Variants in GNPAT observed in about 807,000 individuals in gnomAD.
The protein encoded by GNPAT is glyceronephosphate O-acyltransferase, also known as dihydroxyacetone phosphate acyltransferase.
GNPAT carries 30 observed loss-of-function variants against 78.4 expected under a neutral mutation model. The ratio of observed to expected loss-of-function variants is 0.38; its 90% CI spans 0.29 to 0.52. The LOEUF (loss-of-function observed/expected upper bound fraction) is 0.52, where lower values mean the gene tolerates loss of function less well. GNPAT is among the 20% of genes least tolerant of loss of function. The pLI is 0.84. For synonymous variants in GNPAT, 271 were observed against 281.1 expected (o/e 0.96, Z 0.36); for missense variants, 714 against 812.2 (o/e 0.88, Z 1.47).
At position 231,277,671 on chromosome 1, in the gene GNPAT, C is replaced by T. The variant is rs1685755752; in HGVS notation, c.*129C>T. ...TCCCTGAGACTCTGAGAACAGTGGA[C>T]GCAGAGGGAAGAGATGATCATTGGA... On this transcript the variant is annotated 3_prime_UTR_variant, in exon 16 of 16. Coordinates refer to ENST00000366647, the MANE Select transcript of GNPAT (RefSeq NM_014236.4). The T allele has an allele frequency of 2.8e-6, 2 of 711,246 alleles. No individual in the cohort carries two copies. Among genetic ancestry groups the T allele is most frequent in the Admixed American group, 2.0e-5 (1 of 50,486 alleles). 44.1% of individuals were successfully genotyped at this position (711,246 alleles called of 1,614,324 possible). A position where few individuals can be genotyped will look rare whatever the true frequency, so the allele number is the denominator to read the frequency against.
intron 2 of GNPAT, chr1:231,258,162 G>T (rs1332733393): frequency 6.6e-6 from 1 of 152,286 alleles, no homozygotes; most frequent in Admixed American, 6.6e-5. Flanking sequence ...GCTGTTATTA[G>T]GATTATCTGA....
intron 1 of GNPAT, among the ~76,000 whole-genome samples, chr1:231,242,224 T>G (rs1487294783): frequency 6.6e-6 from 1 of 152,204 alleles, no homozygotes; most frequent in African/African-American, 2.4e-5. Context: ...GGTTTTTGTT[T>G]GTTTCTTGTT....
At chr1:231,253,433 G>A (rs989335509) in intron 2 of GNPAT, among the ~76,000 whole-genome samples, 3 of 152,208 alleles carry the variant, frequency 2.0e-5, no homozygotes, top group Admixed American at 6.5e-5. Flanking sequence ...CTTTAAATTC[G>A]CCTCTAATGC....
intron 4 of GNPAT, among the ~76,000 whole-genome samples, chr1:231,264,018 T>C (rs1685300210): frequency 6.6e-6 from 1 of 152,222 alleles, no homozygotes; most frequent in East Asian, 1.9e-4. Flanking sequence ...TTTGCAAATA[T>C]TATCTTCCAT....
chr1:231,276,689 T>C (rs1685726275), intron 15 of GNPAT, among the ~76,000 whole-genome samples: 1 of 152,198 alleles, frequency 6.6e-6, no homozygotes, highest in Admixed American at 6.5e-5. Context: ...GAAGAAATAG[T>C]CTAGTCCAAA....
intron 15 of GNPAT, among the ~76,000 whole-genome samples, chr1:231,276,941 C>T (rs901397349): frequency 1.3e-5 from 2 of 152,146 alleles, no homozygotes. Context: ...CTCGTCAAAC[C>T]TGCATGGAAG....
chr1:231,256,765 C>T (rs375233566), intron 2 of GNPAT, among the ~76,000 whole-genome samples: 122 of 152,276 alleles, frequency 8.0e-4, no homozygotes, highest in African/African-American at 2.5e-3. Context: ...GGATTACAGG[C>T]GTGAGCCACT....
At chr1:231,262,483 GTTA>G (rs1004812407) in intron 3 of GNPAT, among the ~76,000 whole-genome samples, 7 of 151,838 alleles carry the variant, frequency 4.6e-5, no homozygotes, top group Admixed American at 3.9e-4. Context: ...GATCATCACT[GTTA>G]TTATTCTGAT....
Position 231,241,247 on chromosome 1 carries a change from T to C in GNPAT, c.-132T>C, listed in dbSNP as rs553247724. The C allele has an allele frequency of 1.4e-6, 2 of 1,458,482 alleles. No homozygotes were observed. Among genetic ancestry groups the C allele is most frequent in the Admixed American group, 3.4e-5 (2 of 59,596 alleles). The allele number at this position is 1,458,482 out of a possible 1,614,324, so 90.3% of individuals were successfully genotyped here. A position where few individuals can be genotyped will look rare whatever the true frequency, so the allele number is the denominator to read the frequency against. ...TGAGATGGCGGCGCCCGGGATCCTG[T>C]GTAGCGGCTGCAGAGGGTGCCGCCG... On this transcript the variant is annotated 5_prime_UTR_variant, in exon 1 of 16. Coordinates refer to ENST00000366647, the MANE Select transcript of GNPAT (RefSeq NM_014236.4).
intron 15 of GNPAT, 64 bp from the exon 16 acceptor site, chr1:231,277,435 C>A: frequency 2.1e-6 from 2 of 949,422 alleles, no homozygotes; most frequent in South Asian, 2.6e-5. Flanking sequence ...GCCCAAGGAA[C>A]AGCTGTATGA....
intron 1 of GNPAT, among the ~76,000 whole-genome samples, chr1:231,242,171 C>A (rs1030161450): frequency 6.6e-6 from 1 of 152,078 alleles, no homozygotes; most frequent in African/African-American, 2.4e-5. Flanking sequence ...GAGATGGGAG[C>A]TTTATAGCCT....
chr1:231,251,999 G>C (rs940585585), intron 2 of GNPAT, among the ~76,000 whole-genome samples: 1 of 152,230 alleles, frequency 6.6e-6, no homozygotes, highest in Non-Finnish European at 1.5e-5. Context: ...AGAGAGGTAA[G>C]AGGGTCATGT....
intron 2 of GNPAT, among the ~76,000 whole-genome samples, chr1:231,254,145 T>G (rs762772719): frequency 1.1e-4 from 17 of 152,148 alleles, no homozygotes; most frequent in African/African-American, 3.9e-4. Flanking sequence ...CAAATAATTC[T>G]AATGCACACC....
chr1:231,272,232 T>C (rs901424670), intron 10 of GNPAT, 80 bp from the exon 11 acceptor site: 5 of 769,256 alleles, frequency 6.5e-6, no homozygotes, highest in South Asian at 1.4e-5. Context: ...AAATACATTT[T>C]GTGATAGTAA....
chr1:231,243,910 A>G (rs965219611), intron 1 of GNPAT, among the ~76,000 whole-genome samples: 61 of 151,810 alleles, frequency 4.0e-4, no homozygotes, highest in African/African-American at 1.2e-3. Context: ...ATATGTGTGT[A>G]TATGTATTTT....
intron 3 of GNPAT, 87 bp from the exon 4 acceptor site, chr1:231,262,610 AAGAGGATGGGTATTCCCTCTAAATAT>A: frequency 1.2e-6 from 1 of 854,592 alleles, no homozygotes. Context: ...AAGGCAGAAA[AAGAGGATGGGTATTCCCTCTAAATAT>A]AGACTTATTC....
chr1:231,261,894 TTTC>T (rs1206359667), intron 3 of GNPAT, among the ~76,000 whole-genome samples: 1 of 152,218 alleles, frequency 6.6e-6, no homozygotes, highest in African/African-American at 2.4e-5. Context: ...CTGTCAAATA[TTTC>T]TTCTTCCTAC....
intron 15 of GNPAT, among the ~76,000 whole-genome samples, chr1:231,276,549 TTCTTTC>T: frequency 2.0e-5 from 3 of 152,368 alleles, no homozygotes; most frequent in Admixed American, 2.0e-4. Flanking sequence ...CTTGCATTGC[TTCTTTC>T]CCAAGTGAGA....
intron 2 of GNPAT, among the ~76,000 whole-genome samples, chr1:231,259,049 C>G (rs1381264257): frequency 6.6e-6 from 1 of 152,108 alleles, no homozygotes; most frequent in East Asian, 1.9e-4. Flanking sequence ...CCCTTTACTT[C>G]TCATTCAAAC....
Sources: allele counts gnomAD v4.1 joint callset (sites outside exome capture counted in the v4.1 genomes callset), GRCh38; gene constraint gnomAD v4.1.1; transcripts MANE v1.5; gene names NCBI Gene and HGNC (gene_info 2026-07-23, HGNC 2026-07-21).